NSUN2: variants seen among roughly 807,000 people sequenced by gnomAD.
NSUN2 encodes the protein RNA cytosine C(5)-methyltransferase NSUN2.
NSUN2 carries 63 observed loss-of-function variants against 92.7 expected under a neutral mutation model. That is an observed-to-expected ratio of 0.68 (90% CI 0.56 to 0.84). The LOEUF (loss-of-function observed/expected upper bound fraction) is 0.84. Among genes scored for constraint, NSUN2 ranks in the 40% least tolerant of loss-of-function variants. The pLI, the probability that NSUN2 is intolerant of heterozygous loss-of-function variation, is 0.00. For synonymous variants in NSUN2, 356 were observed against 348.3 expected, an observed-to-expected ratio of 1.02 and a Z score of -0.25; for missense variants, 989 against 964.9, an observed-to-expected ratio of 1.02 and a Z score of -0.33.
chr5:6,601,497 C>T (rs1299439527), intron 18 of NSUN2, among the ~76,000 whole-genome samples: 1 of 150,570 alleles, frequency 6.6e-6, no homozygotes, highest in Non-Finnish European at 1.5e-5. Context: ...AAGTTCCTGC[C>T]CCTCCCACCT....
In NSUN2 at chr5:6,632,888, T is replaced by C; in HGVS notation, c.92A>G (p.Glu31Gly). ...CCGCCGGGTCCCGGCTCCTACCGCC[T>C]CGCCGCGCTTTCCACCACCCTCGGC... The part of the protein sequence containing the change: ...DGAEGGGKRG[E>G]AGWEGGYPEI... Residue 31 changes from glutamate (E) to glycine (G), a missense_variant, in exon 1 of 19, where the codon GAG becomes GGG. Glu to Gly is a moderately conservative substitution (Grantham distance 98). This residue lies in a region of NSUN2 where 356 missense variants were observed against 338.6 expected (regional missense o/e 1.05). Coordinates refer to ENST00000264670, the MANE Select transcript of NSUN2 (RefSeq NM_017755.6). 1 of 1,531,470 alleles carries C rather than the reference T, an allele frequency of 6.5e-7. No homozygotes were observed. The highest frequency in any genetic ancestry group is 8.7e-7 in the Non-Finnish European group (1 of 1,144,258). The allele number at this position is 1,531,470 out of a possible 1,614,324, so 94.9% of individuals were successfully genotyped here. A position where few individuals can be genotyped will look rare whatever the true frequency, so the allele number is the denominator to read the frequency against.
intron 14 of NSUN2, among the ~76,000 whole-genome samples, chr5:6,606,329 G>T (rs530316452): frequency 6.6e-6 from 1 of 152,308 alleles, no homozygotes; most frequent in Non-Finnish European, 1.5e-5. Context: ...TGTCGCCCAG[G>T]CTGGAGTGCA....
chr5:6,629,636 C>T (rs1015407661), intron 3 of NSUN2, among the ~76,000 whole-genome samples: 2 of 152,218 alleles, frequency 1.3e-5, no homozygotes, highest in Non-Finnish European at 2.9e-5. Flanking sequence ...CGAGGAGAAT[C>T]GTAATCCTGT....
intron 13 of NSUN2, 109 bp from the exon 14 acceptor site, chr5:6,607,021 G>A: frequency 1.0e-6 from 1 of 955,090 alleles, no homozygotes; most frequent in South Asian, 1.5e-5. Context: ...GGAACGGTTT[G>A]CGGCAGATGT....
rs1330923428 is a variant in NSUN2 at position 6,606,903 on chromosome 5, T to C, written c.1518A>G (p.Pro506=). 19 of 1,577,566 alleles carry C rather than the reference T, an allele frequency of 1.2e-5. No homozygotes were observed. The highest frequency in any genetic ancestry group is 1.6e-5 in the Non-Finnish European group (18 of 1,148,030). The change falls in exon 14 of 19, where the codon CCA becomes CCG. Residue 506 remains proline (P), a synonymous_variant. Transcript: ENST00000264670. ...SKKDGVCGPP[P]SKKMKLFGFK... ...ATCCAAATAACTTCATTTTCTTTGA[T>C]GGAGGAGGACTAAAAAGGGAATCAG... is the stretch of plus-strand genomic sequence containing the variant.
intron 12 of NSUN2, among the ~76,000 whole-genome samples, chr5:6,608,126 G>A (rs914546711): frequency 1.2e-4 from 19 of 152,196 alleles, no homozygotes; most frequent in African/African-American, 4.3e-4. Flanking sequence ...CAGAGAAGCC[G>A]GGAGCATCCC....
intron 12 of NSUN2, among the ~76,000 whole-genome samples, chr5:6,607,954 T>A (rs959123774): frequency 2.0e-5 from 3 of 152,186 alleles, no homozygotes; most frequent in African/African-American, 7.2e-5. Flanking sequence ...AGCAAAATGT[T>A]TTACTTAAAG....
At chr5:6,607,016 G>C (rs894489422) in intron 13 of NSUN2, 104 bp from the exon 14 acceptor site, 4 of 742,248 alleles carry the variant, frequency 5.4e-6, no homozygotes, top group South Asian at 5.2e-5. Context: ...AACATGGAAC[G>C]GTTTGCGGCA....
chr5:6,612,753 T>C (rs1414671587), intron 9 of NSUN2, among the ~76,000 whole-genome samples: 1 of 152,236 alleles, frequency 6.6e-6, no homozygotes, highest in East Asian at 1.9e-4. Flanking sequence ...TAAATGACAG[T>C]GCAGGCAAAC....
chr5:6,601,951 TCCC>T (rs1736572968), intron 18 of NSUN2, among the ~76,000 whole-genome samples: 1 of 151,552 alleles, frequency 6.6e-6, no homozygotes, highest in African/African-American at 2.4e-5. Flanking sequence ...CAGCACCTGC[TCCC>T]CCAAGGCCCC....
Position 6,607,209 on chromosome 5 carries a change from C to T in NSUN2, c.1499G>A (p.Gly500Asp). 1 of 1,614,140 alleles carries T rather than the reference C, an allele frequency of 6.2e-7. No individual in the cohort carries two copies. Among genetic ancestry groups the T allele is most frequent in the Non-Finnish European group, 8.5e-7 (1 of 1,179,982 alleles). Reference sequence around the variant, plus strand: ...TAACCACTTTTCTTACCCACACACGCCATCTTTCTTACTGCCATTATTCTC... The same window carrying T: ...TAACCACTTTTCTTACCCACACACGTCATCTTTCTTACTGCCATTATTCTC... Reference protein sequence around the residue: ...DLENNGSKKDGVCGPPPSKKM... With the variant: ...DLENNGSKKDDVCGPPPSKKM... The change falls in exon 13 of 19, where the codon GGC (glycine) becomes GAC (aspartate). Residue 500 changes from glycine (G) to aspartate (D), a missense_variant. Physicochemically the swap from Gly to Asp is moderately conservative, Grantham distance 94. This residue lies in a region of NSUN2 where 626 missense variants were observed against 602.3 expected (regional missense o/e 1.04). Coordinates refer to ENST00000264670, the MANE Select transcript of NSUN2 (RefSeq NM_017755.6).
chr5:6,599,910 G>A lies in NSUN2; in HGVS notation c.*16C>T, dbSNP rs368107079. On this transcript the variant is annotated 3_prime_UTR_variant, in exon 19 of 19. Coordinates refer to ENST00000264670, the MANE Select transcript of NSUN2 (RefSeq NM_017755.6). The stretch of plus-strand genomic sequence containing the variant: ...TTGCGTGTGAGGGGTGTGGGCCCCC[G>A]CTGCCTTGGGCCTGCTCACCGGGGT... The A allele has an allele frequency of 4.4e-5, 70 of 1,605,998 alleles. No homozygotes were observed. In the African/African-American group the frequency reaches 4.8e-4, roughly 11 times the overall value.
At chr5:6,602,848 C>T (rs1736611915) in intron 17 of NSUN2, among the ~76,000 whole-genome samples, 2 of 152,188 alleles carry the variant, frequency 1.3e-5, no homozygotes, top group African/African-American at 4.8e-5. Context: ...CACCAACTCC[C>T]AGAATGGCAT....
intron 11 of NSUN2, 81 bp from the exon 12 acceptor site, chr5:6,610,003 G>T: frequency 1.1e-6 from 1 of 917,090 alleles, no homozygotes; most frequent in South Asian, 1.8e-5. Context: ...CCGCAAAGAT[G>T]ATACAAGAGA....
intron 2 of NSUN2, 39 bp downstream of exon 2, chr5:6,632,560 T>C (rs1353012960): frequency 5.0e-6 from 8 of 1,608,724 alleles, no homozygotes; most frequent in South Asian, 3.3e-5. Context: ...TCCAGCATCC[T>C]GGCCCCAACT....
chr5:6,600,143 A>T lies in NSUN2; in HGVS notation c.2087T>A (p.Leu696His). Residue 696 changes from leucine (L) to histidine (H), a missense_variant, in exon 19 of 19, where the codon CTT (leucine) becomes CAT (histidine). Transcript: ENST00000264670. ...IRTFVPKNERLHYLRMMGLEV... is the reference protein window; with the variant it reads ...IRTFVPKNERHHYLRMMGLEV... ...CAGCCCCATCATCCTGAGATAATGA[A>T]GCCGTTCATTCTTGGGCACAAAAGT... is the stretch of plus-strand genomic sequence containing the variant. 1 of 1,614,208 alleles carries T rather than the reference A, an allele frequency of 6.2e-7. No homozygotes were observed. The highest frequency in any genetic ancestry group is 8.5e-7 in the Non-Finnish European group (1 of 1,180,034).
chr5:6,602,744 AG>A (rs1736609436), intron 17 of NSUN2, among the ~76,000 whole-genome samples: 1 of 152,256 alleles, frequency 6.6e-6, no homozygotes, highest in Non-Finnish European at 1.5e-5. Flanking sequence ...AGGGACTTCA[AG>A]GGATGTCACC....
In NSUN2 at chr5:6,607,275, C is replaced by A; in HGVS notation, c.1433G>T (p.Gly478Val). The A allele has an allele frequency of 6.2e-7, 1 of 1,614,218 alleles. No homozygotes were observed. Among genetic ancestry groups the A allele is most frequent in the Non-Finnish European group, 8.5e-7 (1 of 1,180,036 alleles). Reference sequence around the variant, plus strand: ...ATGAGCTATTTCTGTGTCACCAGTTCCTGTGAATGACGGACTTTCCAGCTT... The same window carrying A: ...ATGAGCTATTTCTGTGTCACCAGTTACTGTGAATGACGGACTTTCCAGCTT... ...PSKLESPSFT[G>V]TGDTEIAHAT... Residue 478 changes from glycine to valine, a missense_variant, in exon 13 of 19, where the codon GGA becomes GTA. Physicochemically the swap from Gly to Val is moderately radical, Grantham distance 109. Coordinates refer to ENST00000264670, the MANE Select transcript of NSUN2 (RefSeq NM_017755.6).
In NSUN2 at chr5:6,632,952, G is replaced by A; in HGVS notation, c.28C>T (p.Leu10Phe). The A allele has an allele frequency of 6.7e-7, 1 of 1,499,452 alleles. No individual in the cohort carries two copies. Among genetic ancestry groups the A allele is most frequent in the Non-Finnish European group, 8.8e-7 (1 of 1,132,632 alleles). 92.9% of individuals were successfully genotyped at this position (1,499,452 alleles called of 1,614,324 possible). MGRRSRGRR[L>F]QQQQRPEDAE... ...TCCTCCGGCCGCTGCTGTTGCTGGA[G>A]CCGCCGACCCCGCGACCGCCGCCCC... The change falls in exon 1 of 19, where the codon CTC (leucine) becomes TTC (phenylalanine). Residue 10 changes from leucine to phenylalanine, a missense_variant. By Grantham distance (22) the Leu-to-Phe change is conservative (BLOSUM62 0). Coordinates refer to ENST00000264670, the MANE Select transcript of NSUN2 (RefSeq NM_017755.6).
Sources: allele counts gnomAD v4.1 joint callset (sites outside exome capture counted in the v4.1 genomes callset), GRCh38; gene constraint gnomAD v4.1.1; regional missense constraint gnomAD v4.1.1; transcripts MANE v1.5; gene names NCBI Gene and HGNC (gene_info 2026-07-23, HGNC 2026-07-21).